CTDSP2: variants seen among roughly 807,000 people sequenced by gnomAD.
CTDSP2 encodes carboxy-terminal domain RNA polymerase II polypeptide A small phosphatase 2.
Under a neutral mutation model 31.6 loss-of-function variants are expected in CTDSP2, and 9 were observed. The observed-to-expected ratio is 0.28, with a 90% CI of 0.17 to 0.50. CTDSP2 has a LOEUF of 0.50. Among genes scored for constraint, CTDSP2 ranks in the 20% least tolerant of loss-of-function variants. The pLI, the probability that CTDSP2 is intolerant of heterozygous loss-of-function variation, is 0.98. For synonymous variants in CTDSP2, 134 were observed against 134.5 expected (o/e 1.00, Z 0.03); for missense variants, 267 against 348.5 (o/e 0.77, Z 1.86).
chr12:57,836,318 T>G (rs1377877589), intron 1 of CTDSP2, among the ~76,000 whole-genome samples: 1 of 152,186 alleles, frequency 6.6e-6, no homozygotes, highest in African/African-American at 2.4e-5. Context: ...TCTCCCCTGG[T>G]ATTCATCCCC....
intron 1 of CTDSP2, chr12:57,845,426 G>A (rs1051643518): frequency 1.3e-4 from 20 of 152,124 alleles, no homozygotes; most frequent in African/African-American, 4.8e-4. Flanking sequence ...GAGAGGCCTC[G>A]GCCTCCGCCT....
chr12:57,845,309 C>T (rs563365974), intron 1 of CTDSP2: 4 of 152,432 alleles, frequency 2.6e-5, no homozygotes, highest in African/African-American at 4.8e-5. Context: ...GGACACATTC[C>T]TCAAGGCCAA....
At position 57,820,291 on chromosome 12, in the gene CTDSP2, A is replaced by G. The variant is rs1249502479; in HGVS notation, c.*3311T>C. ...CCTCCTCTTCCCTGGCTGAATGTAA[A>G]TATTTACCAGCATTTAGAAAAAAGG... On this transcript the variant is annotated 3_prime_UTR_variant, in exon 8 of 8. Coordinates refer to ENST00000398073, the MANE Select transcript of CTDSP2 (RefSeq NM_005730.4). 1.3e-5 allele frequency: 2 copies of G among 152,278 alleles called. No individual in the cohort carries two copies. The highest frequency in any genetic ancestry group is 2.9e-5 in the Non-Finnish European group (2 of 68,046). 9.4% of individuals were successfully genotyped at this position (152,278 alleles called of 1,614,324 possible). A position where few individuals can be genotyped will look rare whatever the true frequency, so the allele number is the denominator to read the frequency against.
At chr12:57,841,478 G>A (rs1288624794) in intron 1 of CTDSP2, among the ~76,000 whole-genome samples, 1 of 152,176 alleles carries the variant, frequency 6.6e-6, no homozygotes, top group Non-Finnish European at 1.5e-5. Context: ...AACCTCTAAG[G>A]AAGTTTAGAC....
chr12:57,833,426 A>G (rs975022373), intron 1 of CTDSP2, among the ~76,000 whole-genome samples: 1 of 152,216 alleles, frequency 6.6e-6, no homozygotes, highest in African/African-American at 2.4e-5. Flanking sequence ...AGCAAGGTCA[A>G]TACCTCAGGC....
At chr12:57,843,908 TG>T (rs768027571) in intron 1 of CTDSP2, among the ~76,000 whole-genome samples, 1 of 152,062 alleles carries the variant, frequency 6.6e-6, no homozygotes, top group Non-Finnish European at 1.5e-5. Flanking sequence ...TCAAATTACA[TG>T]GGGAGGGGCC....
At chr12:57,825,451 C>T (rs1230716192) in intron 5 of CTDSP2, among the ~76,000 whole-genome samples, 1 of 152,210 alleles carries the variant, frequency 6.6e-6, no homozygotes, top group Non-Finnish European at 1.5e-5. Context: ...TCATACCCTT[C>T]CTTGTTAGCC....
intron 1 of CTDSP2, among the ~76,000 whole-genome samples, chr12:57,832,679 C>T (rs981148582): frequency 6.7e-6 from 1 of 149,770 alleles, no homozygotes; most frequent in Non-Finnish European, 1.5e-5. Flanking sequence ...GTAGTCCCAG[C>T]TACCTGGGAT....
intron 1 of CTDSP2, among the ~76,000 whole-genome samples, chr12:57,831,103 T>TAAAAAAA (rs11309444): frequency 1.6e-5 from 2 of 121,656 alleles, no homozygotes; most frequent in African/African-American, 6.6e-5. Flanking sequence ...GCCAAGCAGA[T>TAAAAAAA]AAAAAAAAAA....
At chr12:57,844,899 C>A (rs1321515943) in intron 1 of CTDSP2, among the ~76,000 whole-genome samples, 1 of 140,252 alleles carries the variant, frequency 7.1e-6, no homozygotes, top group South Asian at 2.7e-4. Flanking sequence ...CTGCCTCCCT[C>A]CCCCCACCCT....
chr12:57,836,193 T>C (rs935504513), intron 1 of CTDSP2, among the ~76,000 whole-genome samples: 2 of 152,176 alleles, frequency 1.3e-5, no homozygotes, highest in Non-Finnish European at 2.9e-5. Flanking sequence ...ATAGCCCCTA[T>C]ACCTTCTCCC....
intron 5 of CTDSP2, among the ~76,000 whole-genome samples, chr12:57,825,443 A>C (rs985008427): frequency 6.6e-6 from 1 of 152,180 alleles, no homozygotes; most frequent in Non-Finnish European, 1.5e-5. Flanking sequence ...AAAATTATTC[A>C]TACCCTTCCT....
intron 1 of CTDSP2, among the ~76,000 whole-genome samples, chr12:57,831,103 TAAAA>T (rs11309444): frequency 5.8e-5 from 7 of 121,652 alleles, no homozygotes; most frequent in African/African-American, 1.6e-4. Flanking sequence ...GCCAAGCAGA[TAAAA>T]AAAAAAAAAA....
At position 57,826,308 on chromosome 12, in the gene CTDSP2, C is replaced by G. The variant is rs535551825; in HGVS notation, c.411+38G>C. ...CAGGTGAGGCAGAAGGCAGACCCCC[C>G]ACCCTCTGGGCTGGGTGTGGTCTGG... is the stretch of plus-strand genomic sequence containing the variant. On this transcript the variant is annotated intron_variant, in intron 5 of 7. Coordinates refer to ENST00000398073, the MANE Select transcript of CTDSP2 (RefSeq NM_005730.4). 2.5e-5 allele frequency: 40 copies of G among 1,604,906 alleles called. 1 individual carries two copies. The South Asian group carries it at 4.0e-4, about 16-fold the overall frequency.
chr12:57,842,699 CAA>C (rs1287147558), intron 1 of CTDSP2: 1 of 152,338 alleles, frequency 6.6e-6, no homozygotes, highest in Non-Finnish European at 1.5e-5. Flanking sequence ...TGTGAGAGCA[CAA>C]AGAGGCCAAG....
At position 57,836,593 on chromosome 12, in the gene CTDSP2, G is replaced by A. The variant is rs1426976144; in HGVS notation, c.65-6997C>T. On this transcript the variant is annotated intron_variant, in intron 1 of 7. Coordinates refer to ENST00000398073, the MANE Select transcript of CTDSP2 (RefSeq NM_005730.4). ...GGAGTTTGAGGCTGCGGTAAGCCGT[G>A]ATTGCACCACTGCACTCCAGCCTGG... Among the ~76,000 whole-genome samples, 38 of 152,210 alleles carry A rather than the reference G, an allele frequency of 2.5e-4. 1 individual carries two copies. Among genetic ancestry groups the A allele is most frequent in the Non-Finnish European group, 2.2e-4 (15 of 68,020 alleles).
chr12:57,846,481 G>GGCGC lies in CTDSP2; in HGVS notation c.-50_-47dup. 6.6e-7 allele frequency: 1 copy of GGCGC among 1,518,306 alleles called. No homozygotes were observed. Among genetic ancestry groups the GGCGC allele is most frequent in the Non-Finnish European group, 8.9e-7 (1 of 1,128,784 alleles). 94.1% of individuals were successfully genotyped at this position (1,518,306 alleles called of 1,614,324 possible). A position where few individuals can be genotyped will look rare whatever the true frequency, so the allele number is the denominator to read the frequency against. ...GGCTGGCTGGGCGGGAGGACGGGCG[G>GGCGC]GCGCGCGGGCTGGGCTGGGCTGGGG... On this transcript the variant is annotated 5_prime_UTR_variant, in exon 1 of 8. Coordinates refer to ENST00000398073, the MANE Select transcript of CTDSP2 (RefSeq NM_005730.4).
intron 1 of CTDSP2, among the ~76,000 whole-genome samples, chr12:57,836,821 T>G (rs1956250713): frequency 6.6e-6 from 1 of 152,186 alleles, no homozygotes; most frequent in South Asian, 2.1e-4. Context: ...CACATCTGCC[T>G]GCGATTCAGC....
rs759439752 is a variant in CTDSP2, at chr12:57,829,521, G to A, written c.140C>T (p.Ala47Val). ...GGAACTTGACTGGCCAACATGCTGG[G>A]CGCGAAAACAGCAGAAAAGGGCCTT... ...IFKALFCCFRAQHVGQSSSST... is the reference protein window; with the variant it reads ...IFKALFCCFRVQHVGQSSSST... Residue 47 changes from alanine (A) to valine (V), a missense_variant, in exon 2 of 8, where the codon GCC becomes GTC. Coordinates refer to ENST00000398073, the MANE Select transcript of CTDSP2 (RefSeq NM_005730.4). The A allele has an allele frequency of 6.2e-7, 1 of 1,614,142 alleles. No individual in the cohort carries two copies. Among genetic ancestry groups the A allele is most frequent in the East Asian group, 2.2e-5 (1 of 44,886 alleles).
Sources: gnomAD v4.1 joint callset for allele counts (sites outside exome capture counted in the v4.1 genomes callset) on GRCh38, gnomAD v4.1.1 for gene constraint, MANE v1.5 for transcripts, NCBI Gene and HGNC (gene_info 2026-07-23, HGNC 2026-07-21) for gene names.